SLC44A5: variants seen among roughly 807,000 people sequenced by gnomAD.
The protein encoded by SLC44A5 is choline transporter-like protein 5.
SLC44A5 carries 57 observed loss-of-function variants against 101.8 expected under a neutral mutation model. That is an observed-to-expected ratio of 0.56 (90% CI 0.45 to 0.70). The LOEUF (loss-of-function observed/expected upper bound fraction) is 0.70, where lower values mean the gene tolerates loss of function less well. Ranked by LOEUF, SLC44A5 falls within the 30% of genes least tolerant of loss-of-function variation. The pLI, the probability that SLC44A5 is intolerant of heterozygous loss-of-function variation, is 0.00. For synonymous variants in SLC44A5, 281 were observed against 290.9 expected (o/e 0.97, Z 0.35); for missense variants, 737 against 853.1 (o/e 0.86, Z 1.70).
At chr1:75,657,052 G>T in the SLC44A5 span, among the ~76,000 whole-genome samples, 3 of 152,168 alleles carry the variant, frequency 2.0e-5, no homozygotes, top group Non-Finnish European at 4.4e-5. Flanking sequence ...TGTAGGCTGA[G>T]GTGGAAGGAT....
At chr1:75,233,844 T>C (rs1570428479) in intron 12 of SLC44A5, 142 bp downstream of exon 12, 1 of 635,042 alleles carries the variant, frequency 1.6e-6, no homozygotes, top group Non-Finnish European at 2.7e-6. Context: ...AAATGAAATA[T>C]TTTTTCTAAG....
intron 3 of SLC44A5, among the ~76,000 whole-genome samples, chr1:75,357,626 A>AGGT (rs1228070114): frequency 1.3e-5 from 2 of 152,126 alleles, no homozygotes; most frequent in Non-Finnish European, 2.9e-5. Flanking sequence ...TCATGTAAGG[A>AGGT]GGTGGTCTGC....
chr1:75,549,088 T>C (rs1456840312), intron 1 of SLC44A5, among the ~76,000 whole-genome samples: 1 of 152,136 alleles, frequency 6.6e-6, no homozygotes, highest in East Asian at 1.9e-4. Context: ...ATCTGCAGAA[T>C]TGATATCAAA....
chr1:75,364,628 C>T (rs541273262), intron 3 of SLC44A5, among the ~76,000 whole-genome samples: 4 of 152,206 alleles, frequency 2.6e-5, no homozygotes, highest in African/African-American at 9.6e-5. Flanking sequence ...GGTGTTTTCC[C>T]AAGATTTGAG....
chr1:75,477,736 G>C (rs1264879495), intron 2 of SLC44A5, among the ~76,000 whole-genome samples: 1 of 152,184 alleles, frequency 6.6e-6, no homozygotes, highest in Non-Finnish European at 1.5e-5. Flanking sequence ...AAGCCTCCAA[G>C]AAATATGGGA....
chr1:75,464,221 CA>C (rs57630961), intron 2 of SLC44A5, among the ~76,000 whole-genome samples: 7,449 of 52,064 alleles, frequency 0.14, 96 homozygotes, highest in Admixed American at 0.21. Flanking sequence ...GACTCTGTCT[CA>C]AAAAAAAAAA....
the SLC44A5 span, among the ~76,000 whole-genome samples, chr1:75,676,817 CA>C: frequency 7.2e-5 from 11 of 152,232 alleles, no homozygotes; most frequent in Admixed American, 3.3e-4. Flanking sequence ...TACCTCAAGA[CA>C]TTTAATAATC....
At chr1:75,596,209 C>T (rs1055789482) in intron 1 of SLC44A5, among the ~76,000 whole-genome samples, 18 of 151,826 alleles carry the variant, frequency 1.2e-4, no homozygotes, top group Non-Finnish European at 2.2e-4. Context: ...CATGCACACA[C>T]ACACACACAC....
chr1:75,480,959 G>A (rs866930354), intron 2 of SLC44A5, among the ~76,000 whole-genome samples: 16 of 151,998 alleles, frequency 1.1e-4, no homozygotes, highest in South Asian at 2.1e-4. Flanking sequence ...AATCCTAAGC[G>A]AAAAGAACAA....
chr1:75,435,441 TTTCTAAGGTTGTTCA>T (rs1664831640), intron 2 of SLC44A5, among the ~76,000 whole-genome samples: 1 of 152,116 alleles, frequency 6.6e-6, no homozygotes. Flanking sequence ...GGAGCCTTCT[TTTCTAAGGTTGTTCA>T]TTCCAGGGAT....
chr1:75,595,382 C>T lies in SLC44A5; in HGVS notation c.-70+15658G>A, dbSNP rs138288396. Among the ~76,000 whole-genome samples, 124 of 152,046 alleles carry T rather than the reference C, an allele frequency of 8.2e-4. 2 individuals carry two copies. Among genetic ancestry groups the T allele is most frequent in the African/African-American group, 2.7e-3 (111 of 41,486 alleles). On this transcript the variant is annotated intron_variant, in intron 1 of 23. Transcript: ENST00000370859. ...ATACCAGATTTCAATATTTCAAAAA[C>T]ATCTCAAAGGCCCTGACCCATAAAT... is the stretch of plus-strand genomic sequence containing the variant.
rs186411422 is a variant in SLC44A5 at position 75,448,908 on chromosome 1, C to A, written c.14-52287G>T. Among the ~76,000 whole-genome samples, 3 of 152,240 alleles carry A rather than the reference C, an allele frequency of 2.0e-5. No homozygotes were observed. In the East Asian group the frequency reaches 5.8e-4, roughly 29 times the overall value. ...ACTCTCCTTTCCTCTAGTCTCACCT[C>A]TCACTATTCTCCTCTCTCCACTCCA... On this transcript the variant is annotated intron_variant, in intron 2 of 23. Transcript: ENST00000370859.
the SLC44A5 span, among the ~76,000 whole-genome samples, chr1:75,635,685 A>T: frequency 6.6e-6 from 1 of 150,810 alleles, no homozygotes; most frequent in Non-Finnish European, 1.5e-5. Flanking sequence ...GAGGAATAGC[A>T]TTAGGAGATA....
intron 3 of SLC44A5, among the ~76,000 whole-genome samples, chr1:75,375,634 G>A (rs554065331): frequency 6.6e-6 from 1 of 152,246 alleles, no homozygotes; most frequent in East Asian, 1.9e-4. Context: ...AACCCCATCA[G>A]GTGAACAGTG....
intron 3 of SLC44A5, among the ~76,000 whole-genome samples, chr1:75,353,795 A>G (rs1011789494): frequency 6.6e-6 from 1 of 152,228 alleles, no homozygotes; most frequent in Non-Finnish European, 1.5e-5. Context: ...AGGCAGGATT[A>G]ATATGTACAC....
At chr1:75,597,621 T>C (rs1674718415) in intron 1 of SLC44A5, among the ~76,000 whole-genome samples, 1 of 152,070 alleles carries the variant, frequency 6.6e-6, no homozygotes, top group South Asian at 2.1e-4. Context: ...TGGAACAGAA[T>C]AGAGAACCTA....
At chr1:75,629,877 C>T in the SLC44A5 span, among the ~76,000 whole-genome samples, 2 of 152,018 alleles carry the variant, frequency 1.3e-5, no homozygotes, top group Admixed American at 6.6e-5. Context: ...AAGGGAAGAA[C>T]GCAAAGCTGA....
At chr1:75,290,315 A>T in intron 5 of SLC44A5, among the ~76,000 whole-genome samples, 1 of 152,228 alleles carries the variant, frequency 6.6e-6, no homozygotes, top group Non-Finnish European at 1.5e-5. Context: ...GGATCCTAGC[A>T]GAAGACAGAT....
chr1:75,461,814 G>A (rs1225185033), intron 2 of SLC44A5, among the ~76,000 whole-genome samples: 1 of 152,180 alleles, frequency 6.6e-6, no homozygotes, highest in Non-Finnish European at 1.5e-5. Context: ...GAGTGGTGGT[G>A]GGTATGGGAT....
Sources: gnomAD v4.1 joint callset for allele counts (sites outside exome capture counted in the v4.1 genomes callset) on GRCh38, gnomAD v4.1.1 for gene constraint, MANE v1.5 for transcripts, NCBI Gene and HGNC (gene_info 2026-07-23, HGNC 2026-07-21) for gene names.